LRRC7: variants seen among roughly 807,000 people sequenced by gnomAD.
LRRC7 encodes the protein leucine-rich repeat-containing protein 7.
A neutral mutation model predicts 175.7 loss-of-function variants in LRRC7; 23 were observed. The observed-to-expected ratio is 0.13, with a 90% CI of 0.09 to 0.19. The LOEUF (loss-of-function observed/expected upper bound fraction) is 0.19. LRRC7 is among the 10% of genes least tolerant of loss of function. The pLI is 1.00. For missense variants in LRRC7, 1,354 were observed against 1,904.7 expected (o/e 0.71, Z 5.38); for synonymous variants, 685 against 680.9 (o/e 1.01, Z -0.09).
At chr1:69,925,052 G>C (rs955644557) in intron 7 of LRRC7, among the ~76,000 whole-genome samples, 1 of 152,198 alleles carries the variant, frequency 6.6e-6, no homozygotes, top group African/African-American at 2.4e-5. Context: ...CATCTGTTGA[G>C]ATAATCATGT....
chr1:69,866,056 T>C (rs893623638), intron 7 of LRRC7, among the ~76,000 whole-genome samples: 12 of 152,200 alleles, frequency 7.9e-5, no homozygotes, highest in African/African-American at 2.7e-4. Flanking sequence ...GGCAAAAGAA[T>C]GAAGCACAAG....
chr1:69,768,303 CT>C (rs1417253602), intron 3 of LRRC7, among the ~76,000 whole-genome samples: 1 of 152,166 alleles, frequency 6.6e-6, no homozygotes, highest in Non-Finnish European at 1.5e-5. Context: ...AACAGGCTTT[CT>C]CCTCGGAGAC....
At chr1:69,965,780 GTAA>G (rs1651604348) in intron 8 of LRRC7, among the ~76,000 whole-genome samples, 2 of 152,104 alleles carry the variant, frequency 1.3e-5, no homozygotes, top group Non-Finnish European at 2.9e-5. Context: ...CTCAAGGCAT[GTAA>G]TACATTACTA....
chr1:69,645,817 A>G (rs1654928724), intron 1 of LRRC7, among the ~76,000 whole-genome samples: 3 of 152,124 alleles, frequency 2.0e-5, no homozygotes, highest in African/African-American at 4.8e-5. Context: ...AAGTGATACC[A>G]TAAAATGTTC....
chr1:69,585,603 C>G (rs548072403), intron 1 of LRRC7, among the ~76,000 whole-genome samples: 1 of 151,994 alleles, frequency 6.6e-6, no homozygotes, highest in Non-Finnish European at 1.5e-5. Context: ...AAAATAATTC[C>G]CATCATATGT....
chr1:70,007,454 A>G (rs1656090288), intron 11 of LRRC7, among the ~76,000 whole-genome samples: 1 of 152,212 alleles, frequency 6.6e-6, no homozygotes, highest in African/African-American at 2.4e-5. Context: ...CTTTTGTCCA[A>G]GCATTAAATA....
At chr1:69,919,352 G>A (rs572541131) in intron 7 of LRRC7, 23 of 604,304 alleles carry the variant, frequency 3.8e-5, no homozygotes, top group Non-Finnish European at 5.6e-5. Flanking sequence ...GCGTGAGGAG[G>A]AAAGATGGCG....
chr1:69,696,259 G>A (rs1285534212), intron 2 of LRRC7, among the ~76,000 whole-genome samples: 2 of 152,196 alleles, frequency 1.3e-5, no homozygotes, highest in Non-Finnish European at 2.9e-5. Context: ...TTATTTTGGA[G>A]CTTTAAAGTT....
intron 11 of LRRC7, among the ~76,000 whole-genome samples, chr1:70,005,309 G>A (rs918991329): frequency 4.6e-5 from 7 of 152,188 alleles, no homozygotes; most frequent in Admixed American, 4.6e-4. Flanking sequence ...TTAAGAAGGT[G>A]AAGCCCAAAG....
intron 1 of LRRC7, among the ~76,000 whole-genome samples, chr1:69,658,153 C>A (rs1656926694): frequency 6.6e-6 from 1 of 151,772 alleles, no homozygotes; most frequent in Non-Finnish European, 1.5e-5. Context: ...AAATGTGAAT[C>A]CTATCTTTGC....
rs60880306 is a variant in LRRC7, at chr1:70,064,639, TTTGTTGTTGTTGTTG to T, written c.4231-11420_4231-11406del. The stretch of plus-strand genomic sequence containing the variant: ...AGTACTTTTTGGCACTGCTTGGTAT[TTTGTTGTTGTTGTTG>T]TTGTTGTTGTTGTTGTTACATTTTC... On this transcript the variant is annotated intron_variant, in intron 23 of 26. Coordinates refer to ENST00000651989, the MANE Select transcript of LRRC7 (RefSeq NM_001370785.2). Among the ~76,000 whole-genome samples the T allele has an allele frequency of 2.0e-5, 3 of 151,004 alleles. No homozygotes were observed. In the East Asian group the frequency reaches 5.8e-4, roughly 29 times the overall value.
intron 8 of LRRC7, among the ~76,000 whole-genome samples, chr1:69,965,256 C>A (rs1013723257): frequency 6.6e-6 from 1 of 152,178 alleles, no homozygotes; most frequent in African/African-American, 2.4e-5. Flanking sequence ...CCCTATTAAA[C>A]TTCATTTTGT....
rs192523252 is a variant in LRRC7, at chr1:70,096,140, G to A, written c.4545+6321G>A. Among the ~76,000 whole-genome samples the A allele has an allele frequency of 3.1e-3, 475 of 152,182 alleles. 3 individuals are homozygous for A. The highest frequency in any genetic ancestry group is 0.011 in the African/African-American group (440 of 41,528). On this transcript the variant is annotated intron_variant, in intron 25 of 26. Transcript: ENST00000651989. ...CTACAGGCACCCGCCACCACGCCCA[G>A]CTAATTTTTGTATTTTAGTAGAGAT...
intron 1 of LRRC7, among the ~76,000 whole-genome samples, chr1:69,628,103 C>T (rs554265922): frequency 1.3e-5 from 2 of 152,202 alleles, no homozygotes; most frequent in South Asian, 4.1e-4. Context: ...TCTCACTACT[C>T]GTTCTCAGCA....
At chr1:69,963,167 T>C (rs1651297861) in intron 8 of LRRC7, among the ~76,000 whole-genome samples, 1 of 151,626 alleles carries the variant, frequency 6.6e-6, no homozygotes, top group Admixed American at 6.6e-5. Context: ...TAGCCGGGCA[T>C]GGTGGTACAT....
chr1:69,986,203 G>T (rs373206282), intron 9 of LRRC7, 39 bp from the exon 10 acceptor site: 1 of 1,585,038 alleles, frequency 6.3e-7, no homozygotes, highest in Non-Finnish European at 8.6e-7. Flanking sequence ...TCTTGTGAAA[G>T]TCTCTCAACT....
chr1:69,948,874 G>A (rs1649621749), intron 8 of LRRC7, among the ~76,000 whole-genome samples: 1 of 152,272 alleles, frequency 6.6e-6, no homozygotes, highest in African/African-American at 2.4e-5. Flanking sequence ...CCAACCTGAA[G>A]TTAGGTAGAA....
chr1:69,702,373 T>C (rs1221860815), intron 2 of LRRC7, among the ~76,000 whole-genome samples: 2 of 152,202 alleles, frequency 1.3e-5, no homozygotes, highest in African/African-American at 4.8e-5. Context: ...GCTTTTGTGA[T>C]CAGCAACATT....
At chr1:70,055,471 G>A (rs566146765) in intron 23 of LRRC7, among the ~76,000 whole-genome samples, 22 of 152,236 alleles carry the variant, frequency 1.4e-4, no homozygotes, top group Middle Eastern at 3.4e-3. Flanking sequence ...GGAAACAATG[G>A]GTGGTGGAAA....
Sources: allele counts gnomAD v4.1 joint callset (sites outside exome capture counted in the v4.1 genomes callset), GRCh38; gene constraint gnomAD v4.1.1; transcripts MANE v1.5; gene names NCBI Gene and HGNC (gene_info 2026-07-23, HGNC 2026-07-21).